The following TOR1AIP1 variants were observed in gnomAD, a reference collection of about 807,000 sequenced individuals.
TOR1AIP1 encodes the protein torsin-1A-interacting protein 1.
Under a neutral mutation model 63.3 loss-of-function variants are expected in TOR1AIP1, and 54 were observed. That is an observed-to-expected ratio of 0.85 (90% CI 0.69 to 1.07). The LOEUF (loss-of-function observed/expected upper bound fraction) is 1.07, where lower values mean the gene tolerates loss of function less well. TOR1AIP1 is among the 50% of genes least tolerant of loss of function. TOR1AIP1 has a pLI of 0.00. For synonymous variants in TOR1AIP1, 294 were observed against 273.5 expected (o/e 1.07, Z -0.74); for missense variants, 736 against 715.0 (o/e 1.03, Z -0.33).
chr1:179,903,253 T>C (rs1337215399), intron 5 of TOR1AIP1, among the ~76,000 whole-genome samples: 1 of 150,946 alleles, frequency 6.6e-6, no homozygotes, highest in African/African-American at 2.4e-5. Context: ...TGAGACTCCA[T>C]CTCTTAAAAA....
At chr1:179,892,969 G>A (rs1412764469) in intron 3 of TOR1AIP1, among the ~76,000 whole-genome samples, 1 of 152,182 alleles carries the variant, frequency 6.6e-6, no homozygotes, top group Non-Finnish European at 1.5e-5. Flanking sequence ...GGCTGGGTGC[G>A]GTGGCCCATG....
chr1:179,898,254 T>C (rs1648344372), intron 3 of TOR1AIP1, among the ~76,000 whole-genome samples: 1 of 152,192 alleles, frequency 6.6e-6, no homozygotes. Flanking sequence ...ACAAGTCACT[T>C]GATATCTATG....
intron 3 of TOR1AIP1, among the ~76,000 whole-genome samples, chr1:179,892,817 A>T (rs537386150): frequency 6.6e-6 from 1 of 152,194 alleles, no homozygotes; most frequent in Non-Finnish European, 1.5e-5. Context: ...GCATTTTTAT[A>T]AGCACCTTGT....
At chr1:179,916,676 T>C (rs986434804) in intron 9 of TOR1AIP1, among the ~76,000 whole-genome samples, 7 of 151,632 alleles carry the variant, frequency 4.6e-5, no homozygotes, top group Non-Finnish European at 7.4e-5. Flanking sequence ...ACGTAGAAGA[T>C]GTTCATTTAT....
chr1:179,901,168 A>G, intron 4 of TOR1AIP1, 134 bp from the exon 5 acceptor site: 1 of 488,292 alleles, frequency 2.0e-6, no homozygotes, highest in Non-Finnish European at 3.5e-6. Flanking sequence ...TAAGCATGAT[A>G]AACAAACAGT....
At chr1:179,898,075 C>A (rs1648340352) in intron 3 of TOR1AIP1, among the ~76,000 whole-genome samples, 1 of 151,800 alleles carries the variant, frequency 6.6e-6, no homozygotes, top group Admixed American at 6.6e-5. Context: ...GCACTCCAGC[C>A]TGGACGACAG....
intron 2 of TOR1AIP1, among the ~76,000 whole-genome samples, chr1:179,888,199 T>A (rs1184590174): frequency 6.6e-6 from 1 of 152,182 alleles, no homozygotes; most frequent in African/African-American, 2.4e-5. Context: ...GCTAGAAGTA[T>A]AGAGAAGAAA....
In TOR1AIP1 at chr1:179,883,067, G is replaced by A. The variant is rs1359996167; in HGVS notation, c.475+90G>A. 2.6e-6 allele frequency: 3 copies of A among 1,175,180 alleles called. No homozygotes were observed. The East Asian group carries it at 7.7e-5, about 30-fold the overall frequency. 72.8% of individuals were successfully genotyped at this position (1,175,180 alleles called of 1,614,324 possible). On this transcript the variant is annotated intron_variant, in intron 1 of 9. Coordinates refer to ENST00000606911, the MANE Select transcript of TOR1AIP1 (RefSeq NM_015602.4). ...CTCGGTGGAGCTCATGCCCGCCTGGGTACTAAGTACTGGGATTGGCTAAAG... is the reference window on the plus strand; with the variant it reads ...CTCGGTGGAGCTCATGCCCGCCTGGATACTAAGTACTGGGATTGGCTAAAG...
rs750166903 is a variant in TOR1AIP1, at chr1:179,889,345, C to T, written c.586C>T (p.Pro196Ser). 10 of 1,606,862 alleles carry T rather than the reference C, an allele frequency of 6.2e-6. No individual in the cohort carries two copies. In the South Asian group the frequency reaches 1.0e-4, roughly 16 times the overall value. ...SEDLVIRLRRPPLRYPRYEAT... is the reference protein window; with the variant it reads ...SEDLVIRLRRSPLRYPRYEAT... ...AGATCTTGTAATCAGGTTACGTCGACCCCCTCTAAGATACCCAAGATATGG... is the reference window on the plus strand; with the variant it reads ...AGATCTTGTAATCAGGTTACGTCGATCCCCTCTAAGATACCCAAGATATGG... The change falls in exon 3 of 10, where the codon CCC becomes TCC. Residue 196 changes from proline (P) to serine (S), a missense_variant. By Grantham distance (74) the Pro-to-Ser change is moderately conservative. This residue lies in a region of TOR1AIP1 where 464 missense variants were observed against 371.0 expected (regional missense o/e 1.25). Transcript: ENST00000606911.
At chr1:179,887,224 C>A (rs1647934222) in intron 2 of TOR1AIP1, among the ~76,000 whole-genome samples, 1 of 151,832 alleles carries the variant, frequency 6.6e-6, no homozygotes, top group African/African-American at 2.4e-5. Context: ...ATGGTGAAAA[C>A]CCCATCTCTA....
chr1:179,909,227 A>G (rs1648751084), intron 8 of TOR1AIP1, among the ~76,000 whole-genome samples: 1 of 152,192 alleles, frequency 6.6e-6, no homozygotes, highest in South Asian at 2.1e-4. Context: ...TTATAGCAGC[A>G]ATACAGTCTG....
At chr1:179,913,592 C>T (rs1393478914) in intron 8 of TOR1AIP1, 5 of 702,254 alleles carry the variant, frequency 7.1e-6, no homozygotes, top group African/African-American at 5.2e-5. Flanking sequence ...ACAGCATCTT[C>T]ACCAGGCAAG....
Position 179,904,157 on chromosome 1 carries a change from G to A in TOR1AIP1, c.796+135G>A, listed in dbSNP as rs534923994. On this transcript the variant is annotated intron_variant, in intron 6 of 9. Transcript: ENST00000606911. ...ATGAATGCTAAAAAAAAACTTATCCGATATCTCTCTACCACTTGACCTTGC... is the reference window on the plus strand; with the variant it reads ...ATGAATGCTAAAAAAAAACTTATCCAATATCTCTCTACCACTTGACCTTGC... The A allele has an allele frequency of 1.4e-4, 89 of 619,422 alleles. 1 individual carries two copies. The East Asian group carries it at 2.4e-3, about 17-fold the overall frequency. The allele number at this position is 619,422 out of a possible 1,614,324, so 38.4% of individuals were successfully genotyped here. A position where few individuals can be genotyped will look rare whatever the true frequency, so the allele number is the denominator to read the frequency against.
intron 9 of TOR1AIP1, among the ~76,000 whole-genome samples, chr1:179,916,842 A>T (rs955291177): frequency 2.0e-5 from 3 of 151,562 alleles, no homozygotes; most frequent in Non-Finnish European, 4.4e-5. Context: ...TAGCTGGACT[A>T]CAGGTGTGTG....
chr1:179,915,771 A>G (rs565000273), intron 9 of TOR1AIP1, among the ~76,000 whole-genome samples: 1 of 152,118 alleles, frequency 6.6e-6, no homozygotes, highest in African/African-American at 2.4e-5. Context: ...AAAAAAAAAG[A>G]AAGTGTTAAA....
At chr1:179,898,348 T>C (rs903211583) in intron 3 of TOR1AIP1, among the ~76,000 whole-genome samples, 1 of 152,102 alleles carries the variant, frequency 6.6e-6, no homozygotes, top group Non-Finnish European at 1.5e-5. Context: ...TCAAATAGCA[T>C]CATGCAAATA....
At chr1:179,908,416 T>A (rs1360970285) in intron 7 of TOR1AIP1, among the ~76,000 whole-genome samples, 189 bp from the exon 8 acceptor site, 1 of 152,260 alleles carries the variant, frequency 6.6e-6, no homozygotes, top group Non-Finnish European at 1.5e-5. Context: ...CCTGCTTTGC[T>A]GTAGGAAGTG....
At chr1:179,893,484 A>G (rs1648172781) in intron 3 of TOR1AIP1, among the ~76,000 whole-genome samples, 1 of 151,936 alleles carries the variant, frequency 6.6e-6, no homozygotes, top group Non-Finnish European at 1.5e-5. Context: ...TCTGTCACCC[A>G]CGCTGGACTG....
intron 3 of TOR1AIP1, 111 bp from the exon 4 acceptor site, chr1:179,900,015 C>T (rs1356448741): frequency 2.8e-6 from 2 of 725,828 alleles, no homozygotes; most frequent in Non-Finnish European, 2.3e-6. Context: ...AAACGAGATG[C>T]TCTTTTATTT....
Sources: allele counts gnomAD v4.1 joint callset (sites outside exome capture counted in the v4.1 genomes callset), GRCh38; gene constraint gnomAD v4.1.1; regional missense constraint gnomAD v4.1.1; transcripts MANE v1.5; gene names NCBI Gene and HGNC (gene_info 2026-07-23, HGNC 2026-07-21).